Variants in SSBP2 observed in about 807,000 individuals in gnomAD.
SSBP2 encodes single stranded DNA binding protein 2.
SSBP2 carries 17 observed loss-of-function variants against 61.8 expected under a neutral mutation model. That is an observed-to-expected ratio of 0.28 (90% confidence interval 0.19 to 0.41). The LOEUF (loss-of-function observed/expected upper bound fraction) is 0.41, where lower values mean the gene tolerates loss of function less well. SSBP2 is among the 10% of genes least tolerant of loss of function. The pLI is 1.00. For synonymous variants in SSBP2, 139 were observed against 141.3 expected, an observed-to-expected ratio of 0.98 and a Z score of 0.12; for missense variants, 310 against 458.7, an observed-to-expected ratio of 0.68 and a Z score of 2.96.
intron 8 of SSBP2, among the ~76,000 whole-genome samples, chr5:81,469,185 A>AT (rs902254509): frequency 2.6e-5 from 4 of 151,872 alleles, no homozygotes; most frequent in African/African-American, 9.7e-5. Flanking sequence ...TTGCCTCTGC[A>AT]TCTCTCTGTG....
At chr5:81,460,741 C>T (rs1764478005) in intron 10 of SSBP2, among the ~76,000 whole-genome samples, 1 of 152,054 alleles carries the variant, frequency 6.6e-6, no homozygotes, top group South Asian at 2.1e-4. Context: ...GAAGATCAAA[C>T]CATTTTATGA....
At chr5:81,717,944 A>G (rs947845097) in intron 1 of SSBP2, among the ~76,000 whole-genome samples, 1 of 152,174 alleles carries the variant, frequency 6.6e-6, no homozygotes. Context: ...ACGTAAAACA[A>G]ATGTTGTCAA....
At chr5:81,434,807 G>A (rs1168852199) in intron 15 of SSBP2, among the ~76,000 whole-genome samples, 2 of 152,130 alleles carry the variant, frequency 1.3e-5, no homozygotes, top group Non-Finnish European at 2.9e-5. Flanking sequence ...CTGAACATGT[G>A]TTGGAAAAGG....
chr5:81,595,056 T>C (rs911526973), intron 4 of SSBP2, among the ~76,000 whole-genome samples: 17 of 152,254 alleles, frequency 1.1e-4, no homozygotes, highest in African/African-American at 4.1e-4. Context: ...ATCCAGGAGC[T>C]GGTTTTTTGA....
chr5:81,596,261 C>A (rs1448231589), intron 4 of SSBP2, among the ~76,000 whole-genome samples: 1 of 150,732 alleles, frequency 6.6e-6, no homozygotes, highest in Non-Finnish European at 1.5e-5. Flanking sequence ...GAATAAAATA[C>A]CTAGGAATCC....
chr5:81,467,741 G>A (rs970490546), intron 8 of SSBP2, among the ~76,000 whole-genome samples: 2 of 151,896 alleles, frequency 1.3e-5, no homozygotes, highest in African/African-American at 4.8e-5. Context: ...TTATCTTAAT[G>A]TATTTTGACA....
intron 3 of SSBP2, among the ~76,000 whole-genome samples, chr5:81,624,364 T>G (rs1663015088): frequency 1.3e-5 from 2 of 152,224 alleles, no homozygotes; most frequent in Admixed American, 1.3e-4. Context: ...TTTTGCCTAT[T>G]TGTAAAACAA....
intron 13 of SSBP2, among the ~76,000 whole-genome samples, chr5:81,441,228 T>A (rs774441504): frequency 1.3e-4 from 20 of 152,222 alleles, no homozygotes; most frequent in Non-Finnish European, 2.5e-4. Context: ...CAATTCTGCT[T>A]AACATTTTTC....
At chr5:81,512,802 C>CA (rs1281909411) in intron 5 of SSBP2, among the ~76,000 whole-genome samples, 15 of 152,024 alleles carry the variant, frequency 9.9e-5, no homozygotes, top group Non-Finnish European at 2.2e-4. Flanking sequence ...ATGGAAGTGA[C>CA]AAATTAGTTT....
chr5:81,632,060 C>T (rs1747778797), intron 3 of SSBP2, among the ~76,000 whole-genome samples: 2 of 152,150 alleles, frequency 1.3e-5, no homozygotes, highest in Non-Finnish European at 2.9e-5. Flanking sequence ...AAAATCTCAT[C>T]TGTAATCCAA....
At chr5:81,659,233 T>C (rs1750482099) in intron 1 of SSBP2, among the ~76,000 whole-genome samples, 2 of 152,160 alleles carry the variant, frequency 1.3e-5, no homozygotes, top group Admixed American at 1.3e-4. Context: ...ATTGTCTCTG[T>C]TCGTAGATGA....
At chr5:81,425,723 T>TAA (rs921324797) in intron 16 of SSBP2, among the ~76,000 whole-genome samples, 4 of 144,958 alleles carry the variant, frequency 2.8e-5, no homozygotes, top group South Asian at 2.2e-4. Context: ...GTTGTGATCT[T>TAA]AAAAAAAAAA....
At chr5:81,751,479 A>G (rs1307080895), upstream of SSBP2, among the ~76,000 whole-genome samples, 1 of 151,882 alleles carries the variant, frequency 6.6e-6, no homozygotes, top group Non-Finnish European at 1.5e-5. Flanking sequence ...ACTGGAGAGA[A>G]GGCGCCGGGA....
At chr5:81,608,419 T>C (rs1308859450) in intron 4 of SSBP2, among the ~76,000 whole-genome samples, 1 of 152,192 alleles carries the variant, frequency 6.6e-6, no homozygotes, top group Non-Finnish European at 1.5e-5. Context: ...GTCCTCATCA[T>C]GCCCTCAGAT....
chr5:81,734,991 A>G (rs76250667), intron 1 of SSBP2, among the ~76,000 whole-genome samples: 14 of 151,084 alleles, frequency 9.3e-5, no homozygotes, highest in South Asian at 6.3e-4. Context: ...AAAAAAAAAA[A>G]AGAGAAAAGA....
intron 1 of SSBP2, among the ~76,000 whole-genome samples, chr5:81,746,868 A>T (rs1388752398): frequency 6.6e-6 from 1 of 152,154 alleles, no homozygotes; most frequent in African/African-American, 2.4e-5. Context: ...GTTTAATAAA[A>T]AATTAATATC....
chr5:81,432,988 G>GC (rs1446111776), intron 15 of SSBP2, among the ~76,000 whole-genome samples: 4 of 150,178 alleles, frequency 2.7e-5, no homozygotes, highest in Admixed American at 2.0e-4. Context: ...GAGGTGGGGG[G>GC]GGTCAGACTC....
intron 4 of SSBP2, among the ~76,000 whole-genome samples, chr5:81,559,364 T>C (rs1005128159): frequency 6.8e-6 from 1 of 147,550 alleles, no homozygotes; most frequent in Non-Finnish European, 1.5e-5. Flanking sequence ...TCCAGCCTGG[T>C]TGACAGAGCG....
intron 3 of SSBP2, among the ~76,000 whole-genome samples, chr5:81,635,513 C>G: frequency 6.6e-6 from 1 of 151,846 alleles, no homozygotes; most frequent in East Asian, 1.9e-4. Flanking sequence ...AATGGCATGC[C>G]AACGCTTATA....
Sources: gnomAD v4.1 joint callset for allele counts (sites outside exome capture counted in the v4.1 genomes callset) on GRCh38, gnomAD v4.1.1 for gene constraint, MANE v1.5 for transcripts, NCBI Gene and HGNC (gene_info 2026-07-23, HGNC 2026-07-21) for gene names.